DERA: variants seen among roughly 807,000 people sequenced by gnomAD.
The protein encoded by DERA is deoxyribose-phosphate aldolase.
Under a neutral mutation model 41.1 loss-of-function variants are expected in DERA, and 15 were observed. The observed-to-expected ratio is 0.37, with a 90% CI of 0.24 to 0.56. The LOEUF is 0.56. Among genes scored for constraint, DERA ranks in the 20% least tolerant of loss-of-function variants. DERA has a pLI of 0.81. For missense variants in DERA, 396 were observed against 403.4 expected (o/e 0.98, Z 0.16); for synonymous variants, 139 against 137.4 (o/e 1.01, Z -0.08).
At chr12:15,953,971 G>A (rs1948518240) in intron 1 of DERA, among the ~76,000 whole-genome samples, 1 of 152,188 alleles carries the variant, frequency 6.6e-6, no homozygotes, top group South Asian at 2.1e-4. Context: ...GACCGCTAAT[G>A]ATATTTTTAG....
chr12:16,036,507 C>G lies in DERA; in HGVS notation c.900+126C>G. On this transcript the variant is annotated intron_variant, in intron 8 of 8. Transcript: ENST00000428559. The surrounding 1 kb of genome is among the most constrained non-coding windows in gnomAD (Gnocchi z 4.9). ...GACCTCATCCTACCCAATCCTCTAC[C>G]TTTTCTTCCAAGCAAACCGCCATCA... The G allele has an allele frequency of 4.9e-6, 6 of 1,220,840 alleles. No homozygotes were observed. The highest frequency in any genetic ancestry group is 6.8e-6 in the Non-Finnish European group (6 of 883,214). 75.6% of individuals were successfully genotyped at this position (1,220,840 alleles called of 1,614,324 possible).
rs748720605 is a variant in DERA, at chr12:15,921,011, C to T, written c.31+9597C>T. The stretch of plus-strand genomic sequence containing the variant: ...TTCAGATTCAGAGAATCTTTAATTA[C>T]GAGCTATTGTTTTTTTGATAAATCT... On this transcript the variant is annotated intron_variant, in intron 1 of 8. Coordinates refer to ENST00000428559, the MANE Select transcript of DERA (RefSeq NM_015954.4). The surrounding 1 kb of genome is among the most constrained non-coding windows in gnomAD (Gnocchi z 5.3). 5.9e-5 allele frequency among the ~76,000 whole-genome samples: 9 copies of T among 152,210 alleles called. No homozygotes were observed. The South Asian group carries it at 8.3e-4, about 14-fold the overall frequency.
chr12:15,945,567 C>T (rs1218675704), intron 1 of DERA, among the ~76,000 whole-genome samples: 3 of 152,168 alleles, frequency 2.0e-5, no homozygotes, highest in African/African-American at 7.2e-5. Context: ...GATTTTTGCA[C>T]ATTGATTTTG....
At chr12:15,914,922 C>T (rs532383603) in intron 1 of DERA, among the ~76,000 whole-genome samples, 1 of 152,216 alleles carries the variant, frequency 6.6e-6, no homozygotes, top group African/African-American at 2.4e-5. Context: ...ATTACAGGTG[C>T]CTGCCACCAA....
rs1240862212 is a variant in DERA at position 15,993,429 on chromosome 12, T to C, written c.637+10993T>C. Among the ~76,000 whole-genome samples the C allele has an allele frequency of 6.6e-6, 1 of 151,662 alleles. No homozygotes were observed. Among genetic ancestry groups the C allele is most frequent in the East Asian group, 1.9e-4 (1 of 5,178 alleles). ...TCTTAGGCTGCAAGTCTTTGTATAC[T>C]CAAGGAGTATTGATCCAGATGGCAC... On this transcript the variant is annotated intron_variant, in intron 6 of 8. Transcript: ENST00000428559. This position sits in a 1 kb window ranked among gnomAD's most constrained non-coding sequence, Gnocchi z 4.4.
intron 6 of DERA, among the ~76,000 whole-genome samples, chr12:15,991,267 C>T (rs1948800287): frequency 1.3e-5 from 2 of 152,062 alleles, no homozygotes; most frequent in Admixed American, 1.3e-4. Flanking sequence ...TTGAAAAGTG[C>T]CTGTTCATAT....
At chr12:16,005,599 G>T (rs1472400171) in intron 6 of DERA, among the ~76,000 whole-genome samples, 1 of 152,086 alleles carries the variant, frequency 6.6e-6, no homozygotes, top group Non-Finnish European at 1.5e-5. Flanking sequence ...ACATCTCATG[G>T]TCATGCAAGT....
chr12:15,932,603 C>T (rs761266438), intron 1 of DERA, among the ~76,000 whole-genome samples: 28 of 151,168 alleles, frequency 1.9e-4, no homozygotes, highest in Non-Finnish European at 3.5e-4. Context: ...ATGATTGTGC[C>T]ATTACACTTC....
intron 4 of DERA, among the ~76,000 whole-genome samples, chr12:15,961,669 C>A (rs1282976969): frequency 6.6e-6 from 1 of 152,172 alleles, no homozygotes; most frequent in African/African-American, 2.4e-5. Context: ...TTTTCATCAG[C>A]CTCAGTCAGT....
chr12:15,923,139 C>T (rs974360569), intron 1 of DERA, among the ~76,000 whole-genome samples: 5 of 148,676 alleles, frequency 3.4e-5, no homozygotes, highest in Admixed American at 6.7e-5. Context: ...TCTCCTGCCT[C>T]AGCCTCCCAA....
In DERA at chr12:15,975,610, C is replaced by G. The variant is rs113444647; in HGVS notation, c.509-6698C>G. On this transcript the variant is annotated intron_variant, in intron 5 of 8. Coordinates refer to ENST00000428559, the MANE Select transcript of DERA (RefSeq NM_015954.4). ...TATGTTTTAAACTATGAACTATAAA[C>G]TAAGTTCCTCCCAAAATTAGTTCAG... 2.7e-3 allele frequency among the ~76,000 whole-genome samples: 410 copies of G among 152,270 alleles called. 4 individuals carry two copies. The highest frequency in any genetic ancestry group is 9.3e-3 in the African/African-American group (387 of 41,516).
chr12:15,913,938 C>T lies in DERA; in HGVS notation c.31+2524C>T, dbSNP rs1948181570. ...CCTAGACTATTATGCCCTATATAGT[C>T]TATTAAAATGTACAGATATTCTTCT... On this transcript the variant is annotated intron_variant, in intron 1 of 8. Coordinates refer to ENST00000428559, the MANE Select transcript of DERA (RefSeq NM_015954.4). This position sits in a 1 kb window ranked among gnomAD's most constrained non-coding sequence, Gnocchi z 4.5. 1.3e-5 allele frequency among the ~76,000 whole-genome samples: 2 copies of T among 152,174 alleles called. No individual in the cohort carries two copies. The highest frequency in any genetic ancestry group is 4.1e-4 in the South Asian group (2 of 4,830).
intron 1 of DERA, among the ~76,000 whole-genome samples, chr12:15,925,226 T>A (rs928669151): frequency 1.3e-4 from 20 of 152,176 alleles, no homozygotes; most frequent in African/African-American, 4.8e-4. Context: ...TGCCTCTTGA[T>A]GTTATCTGCT....
At position 15,931,739 on chromosome 12, in the gene DERA, G is replaced by A. The variant is rs1948329624; in HGVS notation, c.31+20325G>A. On this transcript the variant is annotated intron_variant, in intron 1 of 8. Transcript: ENST00000428559. This position sits in a 1 kb window ranked among gnomAD's most constrained non-coding sequence, Gnocchi z 4.6. ...CTTTGGGTCATGTAGGTGGATTTAT[G>A]TGAACAGATTTATGCTCTCTCTGGG... Among the ~76,000 whole-genome samples, 1 of 152,196 alleles carries A rather than the reference G, an allele frequency of 6.6e-6. No homozygotes were observed.
intron 6 of DERA, among the ~76,000 whole-genome samples, chr12:15,987,106 A>C (rs1188961643): frequency 6.6e-6 from 1 of 151,678 alleles, no homozygotes; most frequent in Admixed American, 6.6e-5. Context: ...TTTCCCAGTA[A>C]TTTGACCACA....
intron 1 of DERA, among the ~76,000 whole-genome samples, chr12:15,948,784 A>T (rs554783074): frequency 1.3e-5 from 2 of 152,322 alleles, no homozygotes; most frequent in Admixed American, 6.5e-5. Flanking sequence ...TCTGATTTTT[A>T]GAATTTTCAG....
intron 6 of DERA, among the ~76,000 whole-genome samples, chr12:15,987,866 G>A (rs966475550): frequency 1.3e-5 from 2 of 152,076 alleles, no homozygotes; most frequent in East Asian, 1.9e-4. Context: ...GGCCTGGGTC[G>A]CACAGCTGCC....
In DERA at chr12:15,972,777, G is replaced by C. The variant is rs968667827; in HGVS notation, c.509-9531G>C. The stretch of plus-strand genomic sequence containing the variant: ...ACAACTCTCAGGAGAAGGGATCTGC[G>C]TTCAGGGATCAGTGGGAGTGGTGCG... On this transcript the variant is annotated intron_variant, in intron 5 of 8. Transcript: ENST00000428559. The surrounding 1 kb of genome is among the most constrained non-coding windows in gnomAD (Gnocchi z 4.4). Among the ~76,000 whole-genome samples, 2 of 152,168 alleles carry C rather than the reference G, an allele frequency of 1.3e-5. No individual in the cohort carries two copies. The highest frequency in any genetic ancestry group is 2.9e-5 in the Non-Finnish European group (2 of 68,028).
At chr12:16,033,306 G>A (rs1036239923) in intron 7 of DERA, among the ~76,000 whole-genome samples, 5 of 152,194 alleles carry the variant, frequency 3.3e-5, no homozygotes, top group African/African-American at 7.2e-5. Context: ...GTAGCTAGAC[G>A]TTATATAGCT....
Sources: gnomAD v4.1 joint callset for allele counts (sites outside exome capture counted in the v4.1 genomes callset) on GRCh38, gnomAD v4.1.1 for gene constraint, Gnocchi (gnomAD v3.1) non-coding constraint, MANE v1.5 for transcripts, NCBI Gene and HGNC (gene_info 2026-07-23, HGNC 2026-07-21) for gene names.